MAGEC3: variants seen among roughly 807,000 people sequenced by gnomAD.
MAGEC3 encodes MAGE family member C3.
In MAGEC3, 34 loss-of-function variants were observed where a neutral mutation model predicts 35.3. That is an observed-to-expected ratio of 0.96 (90% CI 0.73 to 1.28). The LOEUF is 1.28. MAGEC3 is among the 50% of genes most tolerant of loss of function. MAGEC3 has a pLI of 0.00. For missense variants in MAGEC3, 561 were observed against 483.6 expected (o/e 1.16, Z -1.50); for synonymous variants, 202 against 185.6 (o/e 1.09, Z -0.72).
chrX:141,870,440 AG>A (rs2017880372), intron 2 of MAGEC3, among the ~76,000 whole-genome samples: 2 of 108,214 alleles, frequency 1.8e-5, no homozygotes, highest in South Asian at 8.6e-4. Flanking sequence ...TTTAATTTAC[AG>A]AAAAAAAACC....
intron 3 of MAGEC3, chrX:141,880,586 G>A: frequency 2.8e-6 from 1 of 350,971 alleles, no homozygotes; most frequent in South Asian, 7.5e-5. Flanking sequence ...GGAGGCCCAG[G>A]CAATATCAGG....
rs1053277990 is a variant in MAGEC3, at chrX:141,839,924, A to G, written c.123+1486A>G. ...ATTGGACAAAGGACGACCTCACACA[A>G]GAAAGAATTATACTGCCTAAAATGT... On this transcript the variant is annotated intron_variant, in intron 1 of 7. Coordinates refer to ENST00000298296, the MANE Select transcript of MAGEC3 (RefSeq NM_138702.1). The G allele has an allele frequency of 1.3e-5, 8 of 621,800 alleles. No homozygotes were observed. In the African/African-American group the frequency reaches 1.7e-4, roughly 13 times the overall value. 51.2% of individuals were successfully genotyped at this position (621,800 alleles called of 1,213,427 possible). A position where few individuals can be genotyped will look rare whatever the true frequency, so the allele number is the denominator to read the frequency against.
intron 2 of MAGEC3, among the ~76,000 whole-genome samples, chrX:141,869,500 A>T: frequency 8.9e-6 from 1 of 112,322 alleles, no homozygotes. Context: ...TGTTTTAAGC[A>T]AAAGGTAAAA....
At chrX:141,840,700 A>G (rs144515699) in intron 1 of MAGEC3, among the ~76,000 whole-genome samples, 1,571 of 110,733 alleles carry the variant, frequency 0.014, 12 homozygotes, top group Non-Finnish European at 0.021. Context: ...TCTAAAATTC[A>G]GCCTGATGTA....
rs755051789 is a variant in MAGEC3, at chrX:141,839,132, C to T, written c.123+694C>T. Among the ~76,000 whole-genome samples the T allele has an allele frequency of 8.1e-5, 9 of 111,285 alleles. No homozygotes were observed. In the South Asian group the frequency reaches 3.5e-3, roughly 43 times the overall value. ...ACTGAGGCTCTCTCACCTATCCTTT[C>T]TCTGTATTTGGAGTCTCTCAGCTCA... On this transcript the variant is annotated intron_variant, in intron 1 of 7. Coordinates refer to ENST00000298296, the MANE Select transcript of MAGEC3 (RefSeq NM_138702.1).
At chrX:141,849,749 GC>G (rs1326100139) in intron 1 of MAGEC3, among the ~76,000 whole-genome samples, 3 of 111,182 alleles carry the variant, frequency 2.7e-5, no homozygotes, top group Admixed American at 1.9e-4. Flanking sequence ...ACACACGCTG[GC>G]AATGCTGCAG....
At chrX:141,865,306 C>T (rs762176156) in intron 1 of MAGEC3, among the ~76,000 whole-genome samples, 165 bp from the exon 2 acceptor site, 1 of 110,638 alleles carries the variant, frequency 9.0e-6, no homozygotes, top group East Asian at 2.8e-4. Context: ...ATAAGATTTA[C>T]CTTATATTTT....
chrX:141,852,954 C>T (rs1475646515), intron 1 of MAGEC3, among the ~76,000 whole-genome samples: 1 of 111,417 alleles, frequency 9.0e-6, no homozygotes, highest in Admixed American at 9.6e-5. Context: ...TCTGTTTCTA[C>T]TTTACAAACT....
intron 2 of MAGEC3, among the ~76,000 whole-genome samples, chrX:141,867,939 G>A (rs746132391): frequency 1.1e-3 from 126 of 111,537 alleles, no homozygotes; most frequent in African/African-American, 4.1e-3. Flanking sequence ...TGGCTAACAC[G>A]GTGAAACCAA....
rs776765526 is a variant in MAGEC3, at chrX:141,896,312, AC to A, written c.1124-565del. Reference sequence around the variant, plus strand: ...GCCCTGACTGTGTACCAAGGGCCCTACCCCCACAAACAGAGCAGACCTGGCA... The same window carrying A: ...GCCCTGACTGTGTACCAAGGGCCCTACCCCACAAACAGAGCAGACCTGGCA... On this transcript the variant is annotated intron_variant, in intron 6 of 7. Transcript: ENST00000298296. 217 of 457,117 alleles carry A rather than the reference AC, an allele frequency of 4.7e-4. 1 individual carries two copies. The highest frequency in any genetic ancestry group is 5.6e-4 in the Non-Finnish European group (170 of 305,085). The allele number at this position is 457,117 out of a possible 1,213,427, so 37.7% of individuals were successfully genotyped here. A position where few individuals can be genotyped will look rare whatever the true frequency, so the allele number is the denominator to read the frequency against.
At chrX:141,839,255 G>T in intron 1 of MAGEC3, 1 of 254,931 alleles carries the variant, frequency 3.9e-6, no homozygotes, top group Non-Finnish European at 5.5e-6. Context: ...GATTTCCTTT[G>T]AATTATATAT....
intron 1 of MAGEC3, among the ~76,000 whole-genome samples, chrX:141,858,715 C>T (rs1436140529): frequency 1.8e-5 from 2 of 109,708 alleles, no homozygotes; most frequent in Non-Finnish European, 3.8e-5. Context: ...TGTTAAAAAC[C>T]GAATACATAT....
chrX:141,848,886 A>G (rs2017733503), intron 1 of MAGEC3, among the ~76,000 whole-genome samples: 1 of 111,609 alleles, frequency 9.0e-6, no homozygotes, highest in Non-Finnish European at 1.9e-5. Flanking sequence ...TGTAATTATC[A>G]TGCATTGCAT....
intron 2 of MAGEC3, among the ~76,000 whole-genome samples, chrX:141,877,932 T>G (rs765597132): frequency 2.7e-5 from 3 of 112,163 alleles, no homozygotes; most frequent in Non-Finnish European, 5.6e-5. Context: ...TTGTACATTG[T>G]TTTTAACAAA....
chrX:141,892,271 AATCT>A (rs1361498089), intron 4 of MAGEC3, among the ~76,000 whole-genome samples: 1 of 111,976 alleles, frequency 8.9e-6, no homozygotes, highest in Non-Finnish European at 1.9e-5. Flanking sequence ...AATGTTAATA[AATCT>A]ATCTTACTTT....
intron 4 of MAGEC3, 40 bp downstream of exon 4, chrX:141,881,836 A>G (rs2017968735): frequency 3.1e-5 from 37 of 1,205,863 alleles, no homozygotes; most frequent in Non-Finnish European, 4.1e-5. Flanking sequence ...TCGGGAGCCC[A>G]GGGAGCTTGT....
intron 2 of MAGEC3, among the ~76,000 whole-genome samples, chrX:141,866,693 A>G (rs1279814637): frequency 1.8e-5 from 2 of 112,645 alleles, no homozygotes; most frequent in East Asian, 2.8e-4. Flanking sequence ...AGGGGATTTC[A>G]TAAGTAAAAT....
chrX:141,891,750 T>C lies in MAGEC3; in HGVS notation c.910-3519T>C, dbSNP rs768595456. On this transcript the variant is annotated intron_variant, in intron 4 of 7. Transcript: ENST00000298296. ...TTATATATGCATATATTTATATATGTGTGTATAAATATAACAAAACATGAG... is the reference window on the plus strand; with the variant it reads ...TTATATATGCATATATTTATATATGCGTGTATAAATATAACAAAACATGAG... Among the ~76,000 whole-genome samples the C allele has an allele frequency of 3.4e-4, 36 of 106,618 alleles. No individual in the cohort carries two copies. The East Asian group carries it at 9.0e-3, about 27-fold the overall frequency. The allele number at this position is 106,618 out of a possible 115,157, so 92.6% of individuals were successfully genotyped here.
chrX:141,897,184 C>T lies in MAGEC3; in HGVS notation c.1426C>T (p.Pro476Ser), dbSNP rs2018106780. ...TCTCCTCAAATATCAAACAAAAGAG[C>T]CTGTCACAAAGGCAGAGATGCTGAC... ...FLLLKYQTKE[P>S]VTKAEMLTTV... Residue 476 changes from proline (P) to serine (S), a missense_variant, in exon 7 of 8, where the codon CCT becomes TCT. Transcript: ENST00000298296. The T allele has an allele frequency of 8.3e-7, 1 of 1,210,394 alleles. No individual in the cohort carries two copies. Among genetic ancestry groups the T allele is most frequent in the Admixed American group, 2.2e-5 (1 of 45,841 alleles).
Sources: gnomAD v4.1 joint callset for allele counts (sites outside exome capture counted in the v4.1 genomes callset) on GRCh38, gnomAD v4.1.1 for gene constraint, MANE v1.5 for transcripts, NCBI Gene and HGNC (gene_info 2026-07-23, HGNC 2026-07-21) for gene names.